Variants in BCL7A observed in about 807,000 individuals in gnomAD.
BCL7A encodes the protein BAF chromatin remodeling complex subunit BCL7A, also known as B-cell CLL/lymphoma 7 protein family member A.
Under a neutral mutation model 28.4 loss-of-function variants are expected in BCL7A, and 11 were observed. The observed-to-expected ratio is 0.39, with a 90% CI of 0.24 to 0.64. BCL7A has a LOEUF of 0.64. Among genes scored for constraint, BCL7A ranks in the 30% least tolerant of loss-of-function variants. The pLI, the probability that BCL7A is intolerant of heterozygous loss-of-function variation, is 0.50. For synonymous variants in BCL7A, 123 were observed against 103.3 expected, an observed-to-expected ratio of 1.19 and a Z score of -1.15; for missense variants, 222 against 274.8, an observed-to-expected ratio of 0.81 and a Z score of 1.36.
At chr12:122,034,377 G>A (rs1168328686) in intron 2 of BCL7A, among the ~76,000 whole-genome samples, 2 of 146,324 alleles carry the variant, frequency 1.4e-5, no homozygotes, top group Admixed American at 7.0e-5. Flanking sequence ...TTGATTTAAC[G>A]AGTCTCCTAC....
chr12:122,054,119 C>CT (rs1244526754), intron 4 of BCL7A, among the ~76,000 whole-genome samples: 1 of 152,178 alleles, frequency 6.6e-6, no homozygotes, highest in Admixed American at 6.5e-5. Flanking sequence ...GAGTTTCGCT[C>CT]TGTCACCCAA....
chr12:122,055,337 C>G (rs1951869422), intron 5 of BCL7A, among the ~76,000 whole-genome samples: 1 of 152,196 alleles, frequency 6.6e-6, no homozygotes. Context: ...CTGCTGGCCC[C>G]ACTTGCACTG....
rs145823862 is a variant in BCL7A, at chr12:122,043,999, G to C, written c.385G>C (p.Glu129Gln). ...CTCGGCTGTGCCCAGCGACGGCACC[G>C]AGGCCAAGGTGGATGAGGCCCAGGC... ...PNSAVPSDGTEAKVDEAQADG... is the reference protein window; with the variant it reads ...PNSAVPSDGTQAKVDEAQADG... Residue 129 changes from glutamate to glutamine, a missense_variant, in exon 4 of 6, where the codon GAG becomes CAG. Physicochemically the swap from Glu to Gln is conservative, Grantham distance 29. This residue lies in a region of BCL7A where 155 missense variants were observed against 145.7 expected (regional missense o/e 1.06). Transcript: ENST00000261822. 1.9e-6 allele frequency: 3 copies of C among 1,613,960 alleles called. No individual in the cohort carries two copies. Among genetic ancestry groups the C allele is most frequent in the African/African-American group, 2.7e-5 (2 of 75,052 alleles).
At chr12:122,051,977 C>T (rs1330452949) in intron 4 of BCL7A, among the ~76,000 whole-genome samples, 7 of 143,970 alleles carry the variant, frequency 4.9e-5, no homozygotes, top group Non-Finnish European at 8.9e-5. Context: ...TGGGGTCAAG[C>T]GATTCTCCTG....
At chr12:122,056,903 T>C (rs11835818) in intron 5 of BCL7A, among the ~76,000 whole-genome samples, 76,934 of 152,088 alleles carry the variant, frequency 0.51, 19,970 homozygotes, top group African/African-American at 0.61. Flanking sequence ...AAGGGGCTCA[T>C]GTCACTGTCT....
At chr12:122,034,964 G>A (rs1208982967) in intron 2 of BCL7A, among the ~76,000 whole-genome samples, 2 of 152,174 alleles carry the variant, frequency 1.3e-5, no homozygotes, top group Non-Finnish European at 2.9e-5. Flanking sequence ...TTTGTACCTG[G>A]GCTGATGGTA....
At chr12:122,050,539 G>A (rs1470511632) in intron 4 of BCL7A, among the ~76,000 whole-genome samples, 1 of 152,226 alleles carries the variant, frequency 6.6e-6, no homozygotes, top group Non-Finnish European at 1.5e-5. Context: ...TCCCTGGAAG[G>A]TGGTTCTGCA....
chr12:122,047,725 T>A (rs148930282), intron 4 of BCL7A, among the ~76,000 whole-genome samples: 1 of 151,858 alleles, frequency 6.6e-6, no homozygotes, highest in African/African-American at 2.4e-5. Context: ...GGGGTGTTGC[T>A]ATGTTGCCCA....
Position 122,021,937 on chromosome 12 carries a change from T to TGTGG in BCL7A, c.-152_-151insGGTG. The stretch of plus-strand genomic sequence containing the variant: ...GGCTTTGTGTGTGTGTGTATGTGTG[T>TGTGG]GTGTGTGTGTGTGTGTGTGTGAGTG... On this transcript the variant is annotated 5_prime_UTR_variant, in exon 1 of 6. The change abolishes the stop of an existing upstream ORF in the 5' untranslated region. Transcript: ENST00000261822. 1.8e-6 allele frequency: 1 copy of TGTGG among 551,826 alleles called. No homozygotes were observed. Among genetic ancestry groups the TGTGG allele is most frequent in the Non-Finnish European group, 3.2e-6 (1 of 310,180 alleles). The allele number at this position is 551,826 out of a possible 1,614,324, so 34.2% of individuals were successfully genotyped here.
At chr12:122,024,296 TG>T (rs1470087734) in intron 1 of BCL7A, among the ~76,000 whole-genome samples, 3 of 152,182 alleles carry the variant, frequency 2.0e-5, no homozygotes, top group Non-Finnish European at 4.4e-5. Flanking sequence ...TCTCTAACCA[TG>T]GTGACCCGGG....
Position 122,021,955 on chromosome 12 carries a change from TGTGA to T in BCL7A, c.-133_-130del, listed in dbSNP as rs1555222281. 32 of 592,650 alleles carry T rather than the reference TGTGA, an allele frequency of 5.4e-5. No individual in the cohort carries two copies. Among genetic ancestry groups the T allele is most frequent in the Admixed American group, 1.0e-4 (4 of 39,244 alleles). The allele number at this position is 592,650 out of a possible 1,614,324, so 36.7% of individuals were successfully genotyped here. On this transcript the variant is annotated 5_prime_UTR_variant, in exon 1 of 6. It removes the in-frame stop codon of an upstream open reading frame in the 5' UTR. Transcript: ENST00000261822. ...ATGTGTGTGTGTGTGTGTGTGTGTG[TGTGA>T]GTGTGTGCGTGTGAGAGTGCGAGTG...
At chr12:122,025,480 A>G (rs1883604199) in intron 1 of BCL7A, among the ~76,000 whole-genome samples, 1 of 151,714 alleles carries the variant, frequency 6.6e-6, no homozygotes. Context: ...CAAAAAAATT[A>G]GCCAGGCGTG....
At position 122,031,964 on chromosome 12, in the gene BCL7A, T is replaced by G. The variant is rs575244102; in HGVS notation, c.174+1183T>G. On this transcript the variant is annotated intron_variant, in intron 2 of 5. Transcript: ENST00000261822. ...CTGGGCCATTCCCCCCTGCCTGGAC[T>G]GCCTTCCGTATTTACTCAAACTCAG... 3.3e-5 allele frequency among the ~76,000 whole-genome samples: 5 copies of G among 152,312 alleles called. No individual in the cohort carries two copies. The East Asian group carries it at 9.6e-4, about 29-fold the overall frequency.
At chr12:122,036,238 T>C (rs960790349) in intron 3 of BCL7A, among the ~76,000 whole-genome samples, 1 of 152,144 alleles carries the variant, frequency 6.6e-6, no homozygotes, top group African/African-American at 2.4e-5. Context: ...TAATTTCAAA[T>C]GTTGTAACTT....
intron 3 of BCL7A, among the ~76,000 whole-genome samples, chr12:122,041,742 C>T (rs1565939017): frequency 6.6e-6 from 1 of 151,764 alleles, no homozygotes; most frequent in Non-Finnish European, 1.5e-5. Context: ...CCAGCCTGGG[C>T]AACAGAGCAA....
At chr12:122,054,663 C>T in intron 4 of BCL7A, 142 bp from the exon 5 acceptor site, 1 of 823,188 alleles carries the variant, frequency 1.2e-6, no homozygotes, top group Non-Finnish European at 1.9e-6. Flanking sequence ...CTCCCCAGCC[C>T]TCCAGCCCCC....
chr12:122,026,453 CAAAA>C (rs927215642), intron 1 of BCL7A, among the ~76,000 whole-genome samples: 1 of 151,968 alleles, frequency 6.6e-6, no homozygotes, highest in Non-Finnish European at 1.5e-5. Context: ...AAAAAACAAA[CAAAA>C]AAAGTAGGCT....
At chr12:122,039,363 C>T (rs984505195) in intron 3 of BCL7A, among the ~76,000 whole-genome samples, 2 of 147,636 alleles carry the variant, frequency 1.4e-5, no homozygotes, top group African/African-American at 2.5e-5. Context: ...TGTGGTGATG[C>T]GCACCTATAG....
At chr12:122,025,946 C>CAAAAAAAA (rs1204623444) in intron 1 of BCL7A, among the ~76,000 whole-genome samples, 33 of 108,118 alleles carry the variant, frequency 3.1e-4, no homozygotes, top group East Asian at 7.6e-4. Flanking sequence ...GACTCCATCT[C>CAAAAAAAA]AAAAAAAAAA....
Sources: allele counts gnomAD v4.1 joint callset (sites outside exome capture counted in the v4.1 genomes callset), GRCh38; gene constraint gnomAD v4.1.1; regional missense constraint gnomAD v4.1.1; transcripts MANE v1.5; gene names NCBI Gene and HGNC (gene_info 2026-07-23, HGNC 2026-07-21).